The following ACCSL variants were observed in gnomAD, a reference collection of about 807,000 sequenced individuals.
ACCSL encodes probable inactive 1-aminocyclopropane-1-carboxylate synthase-like protein 2.
A neutral mutation model predicts 61.7 loss-of-function variants in ACCSL; 55 were observed. The observed-to-expected ratio is 0.89, with a 90% CI of 0.72 to 1.12. ACCSL has a LOEUF of 1.12. Among genes scored for constraint, ACCSL ranks in the 50% most tolerant of loss-of-function variants. ACCSL has a pLI of 0.00. For missense variants in ACCSL, 632 were observed against 698.0 expected, an observed-to-expected ratio of 0.91 and a Z score of 1.07; for synonymous variants, 258 against 264.3, an observed-to-expected ratio of 0.98 and a Z score of 0.23.
chr11:43,983,379 AC>A, the ACCSL span, among the ~76,000 whole-genome samples: 1 of 152,220 alleles, frequency 6.6e-6, no homozygotes, highest in Non-Finnish European at 1.5e-5. Context: ...GGAAATATTT[AC>A]TGAGCACCTA....
In ACCSL at chr11:44,057,723, C is replaced by T. The variant is rs556435219; in HGVS notation, c.1328-594C>T. 1.3e-4 allele frequency among the ~76,000 whole-genome samples: 20 copies of T among 152,224 alleles called. No homozygotes were observed. The East Asian group carries it at 3.9e-3, about 29-fold the overall frequency. ...CCAGTTAACAACAACAGCATCAACC[C>T]CTATTAGGGGATTGACTCCTTGCCT... is the stretch of plus-strand genomic sequence containing the variant. On this transcript the variant is annotated intron_variant, in intron 11 of 13. Transcript: ENST00000378832.
chr11:44,050,344 G>A lies in ACCSL; in HGVS notation c.565-208G>A, dbSNP rs1952628712. Among the ~76,000 whole-genome samples the A allele has an allele frequency of 2.6e-5, 4 of 152,168 alleles. No individual in the cohort carries two copies. In the South Asian group the frequency reaches 8.3e-4, roughly 32 times the overall value. Reference sequence around the variant, plus strand: ...GGAAAGTTGCTATGGGAACCTCTGGGTCAAATACTTCCCAGTGAGGTATCT... The same window carrying A: ...GGAAAGTTGCTATGGGAACCTCTGGATCAAATACTTCCCAGTGAGGTATCT... On this transcript the variant is annotated intron_variant, in intron 2 of 13. Coordinates refer to ENST00000378832, the MANE Select transcript of ACCSL (RefSeq NM_001031854.2).
chr11:43,930,557 G>A, the ACCSL span, among the ~76,000 whole-genome samples: 1 of 152,108 alleles, frequency 6.6e-6, no homozygotes, highest in Non-Finnish European at 1.5e-5. Flanking sequence ...CTGTCACTGT[G>A]TGATATATGC....
chr11:44,002,920 G>C, the ACCSL span, among the ~76,000 whole-genome samples: 10 of 152,200 alleles, frequency 6.6e-5, no homozygotes, highest in East Asian at 1.7e-3. Flanking sequence ...GTCTGGATGC[G>C]GCATGGTGAG....
At chr11:43,992,002 A>ATCTTTTT in the ACCSL span, among the ~76,000 whole-genome samples, 4 of 137,192 alleles carry the variant, frequency 2.9e-5, no homozygotes, top group Non-Finnish European at 4.8e-5. Flanking sequence ...CTCCCTCCCC[A>ATCTTTTT]TCTTTTTTTT....
At chr11:43,943,988 G>A in the ACCSL span, 9 of 655,930 alleles carry the variant, frequency 1.4e-5, no homozygotes, top group African/African-American at 1.5e-4. This position sits in a 1 kb window ranked among gnomAD's most constrained non-coding sequence, Gnocchi z 4.8. Flanking sequence ...GGAGCCGGGA[G>A]TGGAGCTACC....
At chr11:43,940,416 C>T in the ACCSL span, among the ~76,000 whole-genome samples, 46 of 150,070 alleles carry the variant, frequency 3.1e-4, no homozygotes, top group Admixed American at 1.6e-3. Flanking sequence ...TGTGCAGTGG[C>T]GCAATCTCGG....
the ACCSL span, among the ~76,000 whole-genome samples, chr11:43,924,643 C>T: frequency 2.0e-5 from 3 of 152,244 alleles, no homozygotes; most frequent in Non-Finnish European, 4.4e-5. Flanking sequence ...GAAGGGCCAC[C>T]TCGCAGGAAG....
intron 13 of ACCSL, among the ~76,000 whole-genome samples, chr11:44,059,526 T>G (rs537742874): frequency 1.6e-4 from 25 of 152,340 alleles, no homozygotes; most frequent in Non-Finnish European, 4.4e-5. Context: ...TGAGCTAGCA[T>G]AGAAGATAGG....
At chr11:43,956,321 A>G in the ACCSL span, among the ~76,000 whole-genome samples, 1 of 152,184 alleles carries the variant, frequency 6.6e-6, no homozygotes, top group East Asian at 1.9e-4. Context: ...TTTAGGCTGA[A>G]CTTAAATATG....
Position 44,055,253 on chromosome 11 carries a change from T to A in ACCSL, c.1101T>A (p.Asp367Glu). Residue 367 changes from aspartate to glutamate, a missense_variant, in exon 9 of 14, where the codon GAT becomes GAA. Asp to Glu is a conservative substitution (Grantham distance 45). Transcript: ENST00000378832. ...IDEIYMLSVFDESITFHSILS... is the reference protein window; with the variant it reads ...IDEIYMLSVFEESITFHSILS... ...AGATTTACATGCTGTCTGTGTTTGA[T>A]GAATCCATCACATTCCACAGCATTC... The A allele has an allele frequency of 6.2e-7, 1 of 1,613,134 alleles. No homozygotes were observed. The highest frequency in any genetic ancestry group is 8.5e-7 in the Non-Finnish European group (1 of 1,179,246).
the ACCSL span, among the ~76,000 whole-genome samples, chr11:43,984,901 G>C: frequency 2.0e-5 from 3 of 152,236 alleles, no homozygotes; most frequent in Non-Finnish European, 4.4e-5. Flanking sequence ...GGGGCTCTTC[G>C]AGGCCACCAG....
At chr11:43,922,950 TG>T in the ACCSL span, among the ~76,000 whole-genome samples, 2 of 152,216 alleles carry the variant, frequency 1.3e-5, no homozygotes, top group African/African-American at 4.8e-5. Context: ...TCCCCAGTGT[TG>T]AAATCAGGAT....
the ACCSL span, among the ~76,000 whole-genome samples, chr11:43,981,162 C>A: frequency 6.6e-6 from 1 of 152,200 alleles, no homozygotes; most frequent in Non-Finnish European, 1.5e-5. Context: ...CTGATGTGGG[C>A]AGGTGGACTT....
the ACCSL span, among the ~76,000 whole-genome samples, chr11:43,989,229 C>T: frequency 2.0e-5 from 3 of 152,208 alleles, no homozygotes; most frequent in African/African-American, 7.2e-5. Context: ...CACTTTACCT[C>T]TCTGAGCCTC....
chr11:43,940,061 A>G, the ACCSL span, among the ~76,000 whole-genome samples: 2 of 152,254 alleles, frequency 1.3e-5, no homozygotes, highest in African/African-American at 4.8e-5. Flanking sequence ...GTGAGGTCAC[A>G]TAATATTCTT....
At chr11:43,927,080 T>C in the ACCSL span, among the ~76,000 whole-genome samples, 1 of 152,270 alleles carries the variant, frequency 6.6e-6, no homozygotes, top group Non-Finnish European at 1.5e-5. Flanking sequence ...ATATATTTTT[T>C]CTACACATTT....
At chr11:43,977,787 C>T in the ACCSL span, among the ~76,000 whole-genome samples, 1 of 152,198 alleles carries the variant, frequency 6.6e-6, no homozygotes, top group African/African-American at 2.4e-5. Flanking sequence ...GGTGGAGTCA[C>T]ACTGACCTGG....
At chr11:44,041,149 A>G in the ACCSL span, among the ~76,000 whole-genome samples, 3 of 152,218 alleles carry the variant, frequency 2.0e-5, no homozygotes, top group African/African-American at 7.2e-5. Flanking sequence ...AGAGAATTCT[A>G]TGTCCCCCAT....
Sources: gnomAD v4.1 joint callset for allele counts (sites outside exome capture counted in the v4.1 genomes callset) on GRCh38, gnomAD v4.1.1 for gene constraint, Gnocchi (gnomAD v3.1) non-coding constraint, MANE v1.5 for transcripts, NCBI Gene and HGNC (gene_info 2026-07-23, HGNC 2026-07-21) for gene names.